Variants in KMT5C observed in about 807,000 individuals in gnomAD.
The protein encoded by KMT5C is histone-lysine N-methyltransferase KMT5C.
KMT5C carries 16 observed loss-of-function variants against 38.2 expected under a neutral mutation model. The observed-to-expected ratio is 0.42, with a 90% CI of 0.28 to 0.64. The LOEUF is 0.64. Among genes scored for constraint, KMT5C ranks in the 30% least tolerant of loss-of-function variants. KMT5C has a pLI of 0.23. For missense variants in KMT5C, 598 were observed against 665.1 expected, an observed-to-expected ratio of 0.90 and a Z score of 1.11; for synonymous variants, 291 against 279.0, an observed-to-expected ratio of 1.04 and a Z score of -0.43.
At chr19:55,344,041 G>A (rs1236598179) in intron 6 of KMT5C, 44 bp downstream of exon 6, 2 of 1,598,276 alleles carry the variant, frequency 1.3e-6, no homozygotes, top group South Asian at 1.1e-5. Context: ...CAGGAAGAAA[G>A]GGTGCCTGTG....
chr19:55,347,119 C>G lies in KMT5C; in HGVS notation c.1059C>G (p.Arg353=), dbSNP rs748167872. ...APVLSTHHAA[R]VSLHRWGGCG... is the part of the protein sequence containing the mutation. ...TGCTCTCCACCCACCACGCTGCCCG[C>G]GTCTCCCTGCACCGATGGGGAGGCT... is the stretch of plus-strand genomic sequence containing the variant. Residue 353 remains arginine (R), a synonymous_variant, in exon 9 of 9, where the codon CGC becomes CGG. Coordinates refer to ENST00000255613, the MANE Select transcript of KMT5C (RefSeq NM_032701.4). The surrounding 1 kb of genome is among the most constrained non-coding windows in gnomAD (Gnocchi z 4.6). 22 of 1,547,712 alleles carry G rather than the reference C, an allele frequency of 1.4e-5. No individual in the cohort carries two copies. In the South Asian group the frequency reaches 2.4e-4, roughly 17 times the overall value.
Position 55,347,365 on chromosome 19 carries a change from C to T in KMT5C, c.1305C>T (p.Phe435=), listed in dbSNP as rs200369685. Residue 435 remains phenylalanine (F), a synonymous_variant, in exon 9 of 9, where the codon TTC becomes TTT. Coordinates refer to ENST00000255613, the MANE Select transcript of KMT5C (RefSeq NM_032701.4). This position sits in a 1 kb window ranked among gnomAD's most constrained non-coding sequence, Gnocchi z 4.6. ...PILIPKQALA[F]APFSPPKRLR... ...TGATCCCGAAGCAGGCCCTCGCCTT[C>T]GCCCCCTTCTCCCCACCCAAGCGCC... 905 of 1,583,540 alleles carry T rather than the reference C, an allele frequency of 5.7e-4. 6 individuals are homozygous for T. The African/African-American group carries it at 0.011, about 19-fold the overall frequency.
In KMT5C at chr19:55,341,480, C is replaced by A. The variant is rs570221709; in HGVS notation, c.-143-314C>A. The A allele has an allele frequency of 7.1e-5, 11 of 155,564 alleles. No homozygotes were observed. In the South Asian group the frequency reaches 2.0e-3, roughly 29 times the overall value. 9.6% of individuals were successfully genotyped at this position (155,564 alleles called of 1,614,324 possible). On this transcript the variant is annotated intron_variant, in intron 1 of 8. Transcript: ENST00000255613. ...GGGCTAGAGGTGAAGCGGCTCCCCA[C>A]GGTGCTAAGCCTTTAGGGTGATCCC...
Position 55,347,375 on chromosome 19 carries a change from TC to T in KMT5C, c.1319del (p.Pro440HisfsTer59). The T allele has an allele frequency of 6.3e-7, 1 of 1,585,798 alleles. No individual in the cohort carries two copies. On this transcript the variant is annotated frameshift_variant, in exon 9 of 9. Coordinates refer to ENST00000255613, the MANE Select transcript of KMT5C (RefSeq NM_032701.4). LOFTEE classifies it high-confidence loss of function. This position sits in a 1 kb window ranked among gnomAD's most constrained non-coding sequence, Gnocchi z 4.6. ...GCAGGCCCTCGCCTTCGCCCCCTTC[TC>T]CCCACCCAAGCGCCTACGGCTGGTG... ...PKQALAFAPF[S>X]PPKRLRLVVS...
At chr19:55,340,933 G>A (rs1226885666) in intron 1 of KMT5C, among the ~76,000 whole-genome samples, 2 of 151,148 alleles carry the variant, frequency 1.3e-5, no homozygotes, top group Non-Finnish European at 2.9e-5. Context: ...CTCCTGCAGC[G>A]CCCCCTCTTT....
chr19:55,343,194 G>GCCCCTGCA lies in KMT5C; in HGVS notation c.386+343_386+344insCCCCTGCA, dbSNP rs2089579878. 6.1e-5 allele frequency: 5 copies of GCCCCTGCA among 81,664 alleles called. No homozygotes were observed. The highest frequency in any genetic ancestry group is 1.5e-4 in the South Asian group (1 of 6,778). 5.1% of individuals were successfully genotyped at this position (81,664 alleles called of 1,614,324 possible). A position where few individuals can be genotyped will look rare whatever the true frequency, so the allele number is the denominator to read the frequency against. ...GAGGAGCCCCTGCCCCTGCCCCTGC[G>GCCCCTGCA]GGGTTCACAGTCTGGTGAGGAGGTG... On this transcript the variant is annotated intron_variant, in intron 4 of 8. Transcript: ENST00000255613. The surrounding 1 kb of genome is among the most constrained non-coding windows in gnomAD (Gnocchi z 5.5).
Position 55,343,427 on chromosome 19 carries a change from G to A in KMT5C, c.387-253G>A, listed in dbSNP as rs2089583265. The A allele has an allele frequency of 1.1e-5, 6 of 549,012 alleles. No individual in the cohort carries two copies. The highest frequency in any genetic ancestry group is 1.3e-5 in the Non-Finnish European group (4 of 305,474). 34.0% of individuals were successfully genotyped at this position (549,012 alleles called of 1,614,324 possible). Reference sequence around the variant, plus strand: ...TATGAGAGCGAGGGGAGAGAATGGGGGCTGTATCTGCTGTGTGCGTGCTGC... The same window carrying A: ...TATGAGAGCGAGGGGAGAGAATGGGAGCTGTATCTGCTGTGTGCGTGCTGC... On this transcript the variant is annotated intron_variant, in intron 4 of 8. Coordinates refer to ENST00000255613, the MANE Select transcript of KMT5C (RefSeq NM_032701.4). The surrounding 1 kb of genome is among the most constrained non-coding windows in gnomAD (Gnocchi z 5.5).
At chr19:55,344,842 C>T (rs1314175072) in intron 6 of KMT5C, 1 of 489,324 alleles carries the variant, frequency 2.0e-6, no homozygotes, top group Non-Finnish European at 4.2e-6. Context: ...CGATGGGGCA[C>T]CCCGGGAGGC....
chr19:55,341,920 A>G lies in KMT5C; in HGVS notation c.-17A>G. Reference sequence around the variant, plus strand: ...GCTCCTGCTCTCTGCCAGAGGCAGCATGGTCCGCAGGGCACCATGGGGCCC... The same window carrying G: ...GCTCCTGCTCTCTGCCAGAGGCAGCGTGGTCCGCAGGGCACCATGGGGCCC... On this transcript the variant is annotated 5_prime_UTR_variant, in exon 2 of 9. It removes an upstream start codon present in the reference 5' UTR. Transcript: ENST00000255613. 2.5e-6 allele frequency: 4 copies of G among 1,605,510 alleles called. No homozygotes were observed. The highest frequency in any genetic ancestry group is 1.1e-5 in the South Asian group (1 of 90,898).
chr19:55,342,474 G>T (rs549878758), intron 3 of KMT5C, 94 bp downstream of exon 3: 2 of 1,099,108 alleles, frequency 1.8e-6, no homozygotes, highest in Non-Finnish European at 2.5e-6. Flanking sequence ...GTCCCTCAGC[G>T]CAGCCCCTGG....
At chr19:55,340,710 C>G (rs2089546888) in intron 1 of KMT5C, among the ~76,000 whole-genome samples, 1 of 152,016 alleles carries the variant, frequency 6.6e-6, no homozygotes. Flanking sequence ...CGCCCCCCGA[C>G]CCAGGTCTCC....
In KMT5C at chr19:55,347,485, T is replaced by A. The variant is rs761136517; in HGVS notation, c.*36T>A. 1.7e-5 allele frequency: 26 copies of A among 1,505,480 alleles called. No homozygotes were observed. Among genetic ancestry groups the A allele is most frequent in the Non-Finnish European group, 2.1e-5 (24 of 1,136,076 alleles). 93.3% of individuals were successfully genotyped at this position (1,505,480 alleles called of 1,614,324 possible). On this transcript the variant is annotated 3_prime_UTR_variant, in exon 9 of 9. Coordinates refer to ENST00000255613, the MANE Select transcript of KMT5C (RefSeq NM_032701.4). The surrounding 1 kb of genome is among the most constrained non-coding windows in gnomAD (Gnocchi z 4.6). The stretch of plus-strand genomic sequence containing the variant: ...GGGGAGGCCCAGCAGGGAGAGAGGG[T>A]CTCTCTCCTAGCTGCTACCCAGGAC...
At chr19:55,344,043 G>C (rs1416259891) in intron 6 of KMT5C, 46 bp downstream of exon 6, 4 of 1,598,098 alleles carry the variant, frequency 2.5e-6, no homozygotes, top group Non-Finnish European at 3.4e-6. Flanking sequence ...GGAAGAAAGG[G>C]TGCCTGTGGC....
Position 55,346,307 on chromosome 19 carries a change from T to C in KMT5C, c.665T>C (p.Phe222Ser). Residue 222 changes from phenylalanine (F) to serine (S), a missense_variant, in exon 7 of 9, where the codon TTC becomes TCC. Transcript: ENST00000255613. Reference protein sequence around the residue: ...EVTCFYGEGFFGEKNEHCECH... With the variant: ...EVTCFYGEGFSGEKNEHCECH... Reference sequence around the variant, plus strand: ...ACATGCTTCTACGGCGAGGGCTTCTTCGGCGAGAAGAATGAGCACTGTGAA... The same window carrying C: ...ACATGCTTCTACGGCGAGGGCTTCTCCGGCGAGAAGAATGAGCACTGTGAA... 1 of 1,614,046 alleles carries C rather than the reference T, an allele frequency of 6.2e-7. No homozygotes were observed. The highest frequency in any genetic ancestry group is 8.5e-7 in the Non-Finnish European group (1 of 1,179,958).
intron 8 of KMT5C, 127 bp from the exon 9 acceptor site, chr19:55,346,829 C>G (rs771553708): frequency 3.6e-6 from 2 of 552,980 alleles, no homozygotes; most frequent in East Asian, 6.7e-5. Context: ...TTGAGCAGTT[C>G]GGCCGCATCA....
rs573166055 is a variant in KMT5C at position 55,344,292 on chromosome 19, G to A, written c.570+295G>A. The A allele has an allele frequency of 3.0e-4, 93 of 307,474 alleles. 1 individual carries two copies. The highest frequency in any genetic ancestry group is 3.1e-5 in the Non-Finnish European group (5 of 160,576). The allele number at this position is 307,474 out of a possible 1,614,324, so 19.0% of individuals were successfully genotyped here. ...CAGGAGAATGGTGTGAACCCGGGAG[G>A]CGGAGCTTGCGGTGAGCCGAGATCG... On this transcript the variant is annotated intron_variant, in intron 6 of 8. Coordinates refer to ENST00000255613, the MANE Select transcript of KMT5C (RefSeq NM_032701.4).
chr19:55,347,285 C>T lies in KMT5C; in HGVS notation c.1225C>T (p.Leu409=), dbSNP rs770668428. 1.0e-5 allele frequency: 16 copies of T among 1,562,482 alleles called. No homozygotes were observed. The South Asian group carries it at 1.8e-4, about 17-fold the overall frequency. Residue 409 remains leucine, a synonymous_variant, in exon 9 of 9, where the codon CTG becomes TTG. Transcript: ENST00000255613. This position sits in a 1 kb window ranked among gnomAD's most constrained non-coding sequence, Gnocchi z 4.6. ...PYVVRVDLRR[L]APAPPATPAP... Reference sequence around the variant, plus strand: ...CGTGGTGCGTGTGGACCTTCGTCGCCTGGCCCCAGCCCCACCAGCTACCCC... The same window carrying T: ...CGTGGTGCGTGTGGACCTTCGTCGCTTGGCCCCAGCCCCACCAGCTACCCC...
intron 6 of KMT5C, among the ~76,000 whole-genome samples, chr19:55,345,483 G>A (rs12459907): frequency 0.38 from 58,513 of 152,048 alleles, 12,855 homozygotes; most frequent in East Asian, 0.65. Flanking sequence ...TAGGGGTCTC[G>A]GGGAGGCGAG....
rs1382180185 is a variant in KMT5C, at chr19:55,345,482, CGGGG to C, written c.571-730_571-727del. Among the ~76,000 whole-genome samples, 3 of 151,922 alleles carry C rather than the reference CGGGG, an allele frequency of 2.0e-5. No homozygotes were observed. The East Asian group carries it at 5.8e-4, about 29-fold the overall frequency. On this transcript the variant is annotated intron_variant, in intron 6 of 8. Transcript: ENST00000255613. ...GAGGGGCTGACTCCAGTAGGGGTCT[CGGGG>C]AGGCGAGGAGGATGAGGATGCGGGA... is the stretch of plus-strand genomic sequence containing the variant.
Sources: allele counts gnomAD v4.1 joint callset (sites outside exome capture counted in the v4.1 genomes callset), GRCh38; gene constraint gnomAD v4.1.1; non-coding constraint Gnocchi (gnomAD v3.1); transcripts MANE v1.5; gene names NCBI Gene and HGNC (gene_info 2026-07-23, HGNC 2026-07-21).